The following PTPRN2 variants were observed in gnomAD, a reference collection of about 807,000 sequenced individuals.
The protein encoded by PTPRN2 is receptor-type tyrosine-protein phosphatase N2.
In PTPRN2, 74 loss-of-function variants were observed where a neutral mutation model predicts 118.8. That is an observed-to-expected ratio of 0.62 (90% confidence interval 0.52 to 0.76). The LOEUF (loss-of-function observed/expected upper bound fraction) is 0.76. PTPRN2 is among the 30% of genes least tolerant of loss of function. The pLI is 0.00. For synonymous variants in PTPRN2, 641 were observed against 608.0 expected, an observed-to-expected ratio of 1.05 and a Z score of -0.80; for missense variants, 1,481 against 1,394.4, an observed-to-expected ratio of 1.06 and a Z score of -0.99.
Position 158,171,308 on chromosome 7 carries a change from C to CACAT in PTPRN2, c.550-4018_550-4017insATGT, listed in dbSNP as rs1404282409. 3.1e-4 allele frequency among the ~76,000 whole-genome samples: 15 copies of CACAT among 48,658 alleles called. 1 individual carries two copies. Among genetic ancestry groups the CACAT allele is most frequent in the East Asian group, 2.1e-3 (3 of 1,418 alleles). The allele number at this position is 48,658 out of a possible 152,430, so 31.9% of individuals were successfully genotyped here. ...ATATATACACACATATATATACACA[C>CACAT]ATATATATATATATATATATATATA... On this transcript the variant is annotated intron_variant, in intron 5 of 22. Coordinates refer to ENST00000389418, the MANE Select transcript of PTPRN2 (RefSeq NM_002847.5).
chr7:157,810,935 G>A (rs1265009023), intron 12 of PTPRN2, among the ~76,000 whole-genome samples: 2 of 152,124 alleles, frequency 1.3e-5, no homozygotes, highest in Admixed American at 1.3e-4. Flanking sequence ...TCAGCAGCAG[G>A]TAGGAGATGT....
intron 12 of PTPRN2, among the ~76,000 whole-genome samples, chr7:157,762,322 T>C (rs1585402261): frequency 6.6e-6 from 1 of 152,172 alleles, no homozygotes; most frequent in East Asian, 1.9e-4. Flanking sequence ...TTATTCACGA[T>C]AGCAAAGATT....
At chr7:157,717,038 C>G (rs7800511) in intron 12 of PTPRN2, among the ~76,000 whole-genome samples, 2 of 65,224 alleles carry the variant, frequency 3.1e-5, no homozygotes, top group East Asian at 4.2e-4. Context: ...GTAGACTCTG[C>G]GGGAACACTG....
At chr7:158,466,565 C>T (rs1819402979) in intron 2 of PTPRN2, among the ~76,000 whole-genome samples, 1 of 152,158 alleles carries the variant, frequency 6.6e-6, no homozygotes, top group African/African-American at 2.4e-5. Flanking sequence ...ATTGCTCTAT[C>T]CATTCATCCA....
chr7:157,792,136 C>T (rs1804546972), intron 12 of PTPRN2, among the ~76,000 whole-genome samples: 1 of 152,236 alleles, frequency 6.6e-6, no homozygotes, highest in African/African-American at 2.4e-5. Flanking sequence ...TCATGCCGCT[C>T]AATCGAGTGA....
rs1304900674 is a variant in PTPRN2 at position 158,015,059 on chromosome 7, C to A, written c.1723+66239G>T. ...TCTCATTTGTCTCTCTTTTTCTTCC[C>A]TTGTATCTTGCAAATCCCTCAGATA... On this transcript the variant is annotated intron_variant, in intron 11 of 22. Coordinates refer to ENST00000389418, the MANE Select transcript of PTPRN2 (RefSeq NM_002847.5). This position sits in a 1 kb window ranked among gnomAD's most constrained non-coding sequence, Gnocchi z 4.2. Among the ~76,000 whole-genome samples, 1 of 152,092 alleles carries A rather than the reference C, an allele frequency of 6.6e-6. No individual in the cohort carries two copies. The highest frequency in any genetic ancestry group is 1.5e-5 in the Non-Finnish European group (1 of 68,022).
chr7:158,493,752 G>C (rs1821620222), intron 1 of PTPRN2, among the ~76,000 whole-genome samples: 1 of 98,638 alleles, frequency 1.0e-5, no homozygotes, highest in Non-Finnish European at 2.1e-5. Flanking sequence ...CACGTACATG[G>C]GTACACTCAT....
At chr7:158,489,897 G>A (rs995118931) in intron 1 of PTPRN2, 112 bp from the exon 2 acceptor site, 30 of 1,023,456 alleles carry the variant, frequency 2.9e-5, no homozygotes, top group Non-Finnish European at 4.2e-5. Context: ...GGTCAAGCAG[G>A]CTCCTCCGAC....
chr7:157,874,289 C>G lies in PTPRN2; in HGVS notation c.1788+24384G>C, dbSNP rs1455685628. ...TGGCCTGCAAATCAGATCACAGCCC[C>G]TAAGCCTGGACTGCAGTGCTCCACT... On this transcript the variant is annotated intron_variant, in intron 12 of 22. Coordinates refer to ENST00000389418, the MANE Select transcript of PTPRN2 (RefSeq NM_002847.5). This position sits in a 1 kb window ranked among gnomAD's most constrained non-coding sequence, Gnocchi z 5.8. Among the ~76,000 whole-genome samples, 7 of 152,214 alleles carry G rather than the reference C, an allele frequency of 4.6e-5. No homozygotes were observed. The East Asian group carries it at 1.3e-3, about 29-fold the overall frequency.
chr7:158,274,165 C>T (rs1219794351), intron 3 of PTPRN2, among the ~76,000 whole-genome samples: 6 of 111,132 alleles, frequency 5.4e-5, no homozygotes, highest in South Asian at 3.1e-4. Flanking sequence ...CAGGGGGAGC[C>T]GCAGACACAG....
Position 158,182,063 on chromosome 7 carries a change from C to T in PTPRN2, c.549+10264G>A, listed in dbSNP as rs73173683. Among the ~76,000 whole-genome samples, 589 of 152,278 alleles carry T rather than the reference C, an allele frequency of 3.9e-3. 1 individual carries two copies. The highest frequency in any genetic ancestry group is 6.2e-3 in the Admixed American group (95 of 15,312). ...TAGGCATTTAGCACAGTGAACTTTC[C>T]TCTTAGCATTGCTTTTGCCATATCC... On this transcript the variant is annotated intron_variant, in intron 5 of 22. Transcript: ENST00000389418.
At chr7:158,388,370 C>G (rs910618432) in intron 2 of PTPRN2, among the ~76,000 whole-genome samples, 1 of 152,200 alleles carries the variant, frequency 6.6e-6, no homozygotes, top group African/African-American at 2.4e-5. Context: ...ACCTGCATTT[C>G]TTCCCAGCCA....
In PTPRN2 at chr7:157,791,618, G is replaced by A. The variant is rs1042649214; in HGVS notation, c.1788+107055C>T. Reference sequence around the variant, plus strand: ...CTGCCCTACTCAGGGTGGTGAGAGCGGAGGGGCTCTGGGGCTTCATCCACA... The same window carrying A: ...CTGCCCTACTCAGGGTGGTGAGAGCAGAGGGGCTCTGGGGCTTCATCCACA... On this transcript the variant is annotated intron_variant, in intron 12 of 22. Transcript: ENST00000389418. Among the ~76,000 whole-genome samples, 10 of 150,814 alleles carry A rather than the reference G, an allele frequency of 6.6e-5. No individual in the cohort carries two copies. The South Asian group carries it at 1.3e-3, about 19-fold the overall frequency.
rs934868483 is a variant in PTPRN2, at chr7:157,964,613, C to G, written c.1724-65876G>C. Among the ~76,000 whole-genome samples the G allele has an allele frequency of 6.6e-6, 1 of 152,210 alleles. No individual in the cohort carries two copies. The highest frequency in any genetic ancestry group is 2.4e-5 in the African/African-American group (1 of 41,452). ...AGCAGGTGCAGCAGGGCCCTTGAGT[C>G]TGTCTCACGCCATTAACACCCTGTG... On this transcript the variant is annotated intron_variant, in intron 11 of 22. Transcript: ENST00000389418. This position sits in a 1 kb window ranked among gnomAD's most constrained non-coding sequence, Gnocchi z 9.0.
At chr7:157,909,124 G>A (rs1342183171) in intron 11 of PTPRN2, among the ~76,000 whole-genome samples, 1 of 151,988 alleles carries the variant, frequency 6.6e-6, no homozygotes, top group African/African-American at 2.4e-5. Context: ...AGCCCATCGA[G>A]AGAACATCAC....
chr7:158,315,809 T>C (rs1802272781), intron 3 of PTPRN2, among the ~76,000 whole-genome samples: 1 of 152,234 alleles, frequency 6.6e-6, no homozygotes, highest in South Asian at 2.1e-4. Context: ...AAGATATGAA[T>C]GTCCCGTGTG....
intron 2 of PTPRN2, among the ~76,000 whole-genome samples, chr7:158,353,385 CA>C (rs1478169865): frequency 6.6e-6 from 1 of 152,244 alleles, no homozygotes; most frequent in South Asian, 2.1e-4. Flanking sequence ...TTGCTAAGCA[CA>C]ATGTTGAAGT....
At position 157,596,614 on chromosome 7, in the gene PTPRN2, G is replaced by T. The variant is rs1215574124; in HGVS notation, c.2419-1299C>A. On this transcript the variant is annotated intron_variant, in intron 16 of 22. Transcript: ENST00000389418. The surrounding 1 kb of genome is among the most constrained non-coding windows in gnomAD (Gnocchi z 4.2). Reference sequence around the variant, plus strand: ...GCCCAGGCCACCCTGCAAAGGACACGAAGATACCAGGACATCACTATCATC... The same window carrying T: ...GCCCAGGCCACCCTGCAAAGGACACTAAGATACCAGGACATCACTATCATC... Among the ~76,000 whole-genome samples the T allele has an allele frequency of 6.6e-6, 1 of 152,148 alleles. No homozygotes were observed. The highest frequency in any genetic ancestry group is 1.9e-4 in the East Asian group (1 of 5,178).
chr7:157,976,478 C>T (rs945215326), intron 11 of PTPRN2, among the ~76,000 whole-genome samples: 3 of 152,030 alleles, frequency 2.0e-5, no homozygotes, highest in African/African-American at 7.2e-5. Flanking sequence ...ACCAATTACC[C>T]CTTCATTCTA....
Sources: allele counts gnomAD v4.1 joint callset (sites outside exome capture counted in the v4.1 genomes callset), GRCh38; gene constraint gnomAD v4.1.1; non-coding constraint Gnocchi (gnomAD v3.1); transcripts MANE v1.5; gene names NCBI Gene and HGNC (gene_info 2026-07-23, HGNC 2026-07-21).